EP300: variants seen among roughly 807,000 people sequenced by gnomAD.
The protein encoded by EP300 is EP300 lysine acetyltransferase, also known as histone acetyltransferase p300.
In EP300, 31 loss-of-function variants were observed where a neutral mutation model predicts 264.0. The ratio of observed to expected loss-of-function variants is 0.12; its 90% confidence interval spans 0.09 to 0.16. The LOEUF (loss-of-function observed/expected upper bound fraction) is 0.16, where lower values mean the gene tolerates loss of function less well. Among genes scored for constraint, EP300 ranks in the 10% least tolerant of loss-of-function variants. The probability of loss-of-function intolerance (pLI) is 1.00; values close to 1 mark genes in which losing one functional copy is unlikely to be tolerated. For synonymous variants in EP300, 1,340 were observed against 1,045.4 expected, an observed-to-expected ratio of 1.28 and a Z score of -5.44; for missense variants, 2,766 against 3,052.9, an observed-to-expected ratio of 0.91 and a Z score of 2.21.
At chr22:41,170,806 C>T (rs1201707617) in intron 27 of EP300, among the ~76,000 whole-genome samples, 1 of 151,766 alleles carries the variant, frequency 6.6e-6, no homozygotes, top group Non-Finnish European at 1.5e-5. Context: ...GGACTACAGG[C>T]TCCTGCCATC....
In EP300 at chr22:41,144,843, A is replaced by G. The variant is rs147137770; in HGVS notation, c.2054-1896A>G. On this transcript the variant is annotated intron_variant, in intron 10 of 30. Transcript: ENST00000263253. ...AACCATTTTCATTTGATTAGTCTCA[A>G]ATACTTAAAAATCAGAAGATTTTGC... Among the ~76,000 whole-genome samples, 10 of 152,200 alleles carry G rather than the reference A, an allele frequency of 6.6e-5. No individual in the cohort carries two copies. The South Asian group carries it at 1.9e-3, about 28-fold the overall frequency.
At chr22:41,105,796 T>C (rs574168694) in intron 1 of EP300, among the ~76,000 whole-genome samples, 2 of 152,358 alleles carry the variant, frequency 1.3e-5, no homozygotes, top group South Asian at 4.1e-4. Flanking sequence ...AGAGTACATA[T>C]TTTGAAATTT....
chr22:41,176,559 G>A (rs1313847857), intron 30 of EP300, 31 bp downstream of exon 30: 1 of 1,612,956 alleles, frequency 6.2e-7, no homozygotes, highest in East Asian at 2.2e-5. Flanking sequence ...AGGAGGAGGT[G>A]AGCTCCGCAG....
rs148693910 is a variant in EP300, at chr22:41,117,678, A to G, written c.586A>G (p.Ile196Val). Residue 196 changes from isoleucine to valine, a missense_variant, in exon 2 of 31, where the codon ATT (isoleucine) becomes GTT (valine). Transcript: ENST00000263253. ...GCCTAATCAAGTCATGAACGGTTCA[A>G]TTGGAGCAGGCCGAGGGCGACAGAA... ...IMPNQVMNGSIGAGRGRQNMQ... is the reference protein window; with the variant it reads ...IMPNQVMNGSVGAGRGRQNMQ... 1.0e-4 allele frequency: 161 copies of G among 1,614,238 alleles called. 1 individual carries two copies. In the Middle Eastern group the frequency reaches 4.8e-3, roughly 48 times the overall value.
chr22:41,163,512 G>A (rs2059118936), intron 21 of EP300, among the ~76,000 whole-genome samples: 1 of 151,866 alleles, frequency 6.6e-6, no homozygotes, highest in Admixed American at 6.6e-5. Context: ...CACTTTGGGA[G>A]GCCAAGGCAG....
chr22:41,174,624 G>A (rs1320986500), intron 29 of EP300: 1 of 151,840 alleles, frequency 6.6e-6, no homozygotes, highest in Non-Finnish European at 1.5e-5. Context: ...GATAACGAAA[G>A]CCAGGAGAAT....
chr22:41,179,758 T>A lies in EP300; in HGVS notation c.*802T>A. 1 of 231,174 alleles carries A rather than the reference T, an allele frequency of 4.3e-6. No individual in the cohort carries two copies. Among genetic ancestry groups the A allele is most frequent in the Admixed American group, 5.7e-5 (1 of 17,690 alleles). The allele number at this position is 231,174 out of a possible 1,614,324, so 14.3% of individuals were successfully genotyped here. On this transcript the variant is annotated 3_prime_UTR_variant, in exon 31 of 31. Transcript: ENST00000263253. Reference sequence around the variant, plus strand: ...GAATTTTTTTCGTTATTTTTACATCTAACAAAGTAAAAAAATTAAAAAGAG... The same window carrying A: ...GAATTTTTTTCGTTATTTTTACATCAAACAAAGTAAAAAAATTAAAAAGAG...
At chr22:41,133,187 C>A (rs1569098939) in intron 6 of EP300, among the ~76,000 whole-genome samples, 1 of 132,062 alleles carries the variant, frequency 7.6e-6, no homozygotes, top group African/African-American at 2.7e-5. Context: ...AACAGAGTCT[C>A]GCTGTGTCAC....
intron 1 of EP300, among the ~76,000 whole-genome samples, chr22:41,106,484 A>G (rs573043630): frequency 2.7e-4 from 41 of 152,074 alleles, no homozygotes; most frequent in African/African-American, 7.7e-4. Context: ...GTTTATTTCA[A>G]TTGCTGAACT....
rs2058960242 is a variant in EP300 at position 41,137,755 on chromosome 22, T to C, written c.1725T>C (p.Ile575=). The C allele has an allele frequency of 6.2e-7, 1 of 1,614,212 alleles. No homozygotes were observed. Among genetic ancestry groups the C allele is most frequent in the East Asian group, 2.2e-5 (1 of 44,890 alleles). The change falls in exon 8 of 31, where the codon ATT becomes ATC. Residue 575 remains isoleucine, a synonymous_variant. Coordinates refer to ENST00000263253, the MANE Select transcript of EP300 (RefSeq NM_001429.4). ...TTCGGAAACAGTGGCACGAAGATATTACTCAGGATCTTCGAAATCATCTTG... is the reference window on the plus strand; with the variant it reads ...TTCGGAAACAGTGGCACGAAGATATCACTCAGGATCTTCGAAATCATCTTG... ...TGIRKQWHED[I]TQDLRNHLVH...
chr22:41,107,652 A>G (rs562571144), intron 1 of EP300, among the ~76,000 whole-genome samples: 3 of 152,256 alleles, frequency 2.0e-5, no homozygotes, highest in Admixed American at 1.3e-4. Context: ...CTCACGTATC[A>G]TTGAATTATT....
At position 41,170,542 on chromosome 22, in the gene EP300, G is replaced by A. The variant is rs1003159846; in HGVS notation, c.4423G>A (p.Val1475Ile). 16 of 1,612,674 alleles carry A rather than the reference G, an allele frequency of 9.9e-6. No individual in the cohort carries two copies. Among genetic ancestry groups the A allele is most frequent in the Non-Finnish European group, 1.4e-5 (16 of 1,179,340 alleles). ...GTACAAAAAAATGCTTGACAAGGCT[G>A]TATCAGAGCGTATTGTCCATGACTA... ...EWYKKMLDKAVSERIVHDYKD... is the reference protein window; with the variant it reads ...EWYKKMLDKAISERIVHDYKD... Residue 1475 changes from valine (V) to isoleucine (I), a missense_variant, in exon 27 of 31, where the codon GTA becomes ATA. Val to Ile is a conservative substitution (Grantham distance 29). Transcript: ENST00000263253.
intron 1 of EP300, among the ~76,000 whole-genome samples, chr22:41,109,662 A>G (rs2058777722): frequency 6.6e-6 from 1 of 152,126 alleles, no homozygotes; most frequent in African/African-American, 2.4e-5. Context: ...AATAACATGA[A>G]GTAGGCACTT....
intron 6 of EP300, among the ~76,000 whole-genome samples, chr22:41,133,467 T>A (rs2058932394): frequency 6.6e-6 from 1 of 152,176 alleles, no homozygotes; most frequent in South Asian, 2.1e-4. Flanking sequence ...GATTATTTTT[T>A]AATACAGATT....
chr22:41,170,370 T>G, intron 26 of EP300, 36 bp from the exon 27 acceptor site: 2 of 1,596,342 alleles, frequency 1.3e-6, no homozygotes, highest in Non-Finnish European at 1.7e-6. Context: ...ATAGATTATC[T>G]CTTTTCCTTA....
chr22:41,157,672 C>T (rs2059085085), intron 18 of EP300, among the ~76,000 whole-genome samples: 1 of 151,964 alleles, frequency 6.6e-6, no homozygotes, highest in Non-Finnish European at 1.5e-5. Context: ...CGTACGCCAC[C>T]ATGCCTGGCT....
At chr22:41,121,152 C>A (rs1403588201) in intron 2 of EP300, among the ~76,000 whole-genome samples, 1 of 152,050 alleles carries the variant, frequency 6.6e-6, no homozygotes, top group Non-Finnish European at 1.5e-5. Flanking sequence ...TTTCTTTTTT[C>A]TTTTTTCTTT....
rs774952188 is a variant in EP300, at chr22:41,135,879, T to C, written c.1595T>C (p.Met532Thr). Residue 532 changes from methionine to threonine, a missense_variant, in exon 7 of 31, where the codon ATG becomes ACG. Physicochemically the swap from Met to Thr is moderately conservative, Grantham distance 81. Coordinates refer to ENST00000263253, the MANE Select transcript of EP300 (RefSeq NM_001429.4). ...VQTPSLLSDS[M>T]LHSAINSQNP... ...ACGCCGAGTCTTCTTTCTGACTCAA[T>C]GTTGCATTCAGCCATAAATTCTCAA... 1 of 1,614,082 alleles carries C rather than the reference T, an allele frequency of 6.2e-7. No individual in the cohort carries two copies. Among genetic ancestry groups the C allele is most frequent in the Non-Finnish European group, 8.5e-7 (1 of 1,179,942 alleles).
At chr22:41,163,625 T>A (rs184003000) in intron 21 of EP300, among the ~76,000 whole-genome samples, 1 of 151,770 alleles carries the variant, frequency 6.6e-6, no homozygotes, top group East Asian at 1.9e-4. Context: ...TGCGCGCCTG[T>A]AATCCCAGCT....
Sources: gnomAD v4.1 joint callset for allele counts (sites outside exome capture counted in the v4.1 genomes callset) on GRCh38, gnomAD v4.1.1 for gene constraint, MANE v1.5 for transcripts, NCBI Gene and HGNC (gene_info 2026-07-23, HGNC 2026-07-21) for gene names.